The following CTNNA3 variants were observed in gnomAD, a reference collection of about 807,000 sequenced individuals.
CTNNA3 encodes catenin alpha-3.
CTNNA3 carries 76 observed loss-of-function variants against 95.7 expected under a neutral mutation model. The observed-to-expected ratio is 0.79, with a 90% CI of 0.66 to 0.96. The LOEUF (loss-of-function observed/expected upper bound fraction) is 0.96. Ranked by LOEUF, CTNNA3 falls within the 40% of genes least tolerant of loss-of-function variation. The probability of loss-of-function intolerance (pLI) is 0.00; values close to 1 mark genes in which losing one functional copy is unlikely to be tolerated. For missense variants in CTNNA3, 1,191 were observed against 1,089.8 expected (o/e 1.09, Z -1.31); for synonymous variants, 431 against 374.4 (o/e 1.15, Z -1.74).
At chr10:67,527,834 G>T (rs1358267383) in intron 4 of CTNNA3, among the ~76,000 whole-genome samples, 1 of 152,154 alleles carries the variant, frequency 6.6e-6, no homozygotes, top group Non-Finnish European at 1.5e-5. Flanking sequence ...TTTGCTTGTT[G>T]ATTTTCTGGA....
chr10:66,855,013 A>C (rs919036001), intron 7 of CTNNA3, among the ~76,000 whole-genome samples: 1 of 151,914 alleles, frequency 6.6e-6, no homozygotes, highest in Non-Finnish European at 1.5e-5. Context: ...ATTTTATAAC[A>C]CAATGTCTGG....
chr10:67,231,434 G>A (rs549654337), intron 5 of CTNNA3, among the ~76,000 whole-genome samples: 57 of 152,268 alleles, frequency 3.7e-4, no homozygotes, highest in East Asian at 2.1e-3. Context: ...TCACAGGGCC[G>A]GGTACTCCAA....
At chr10:66,356,680 T>A (rs10997076) in intron 12 of CTNNA3, among the ~76,000 whole-genome samples, 80,149 of 151,826 alleles carry the variant, frequency 0.53, 22,842 homozygotes, top group Non-Finnish European at 0.64. Flanking sequence ...AGCCTTGTCA[T>A]GTTCCTGTTG....
intron 15 of CTNNA3, among the ~76,000 whole-genome samples, chr10:66,029,901 C>A (rs1199752167): frequency 6.6e-6 from 1 of 152,142 alleles, no homozygotes; most frequent in Admixed American, 6.6e-5. Flanking sequence ...TTGCACACCA[C>A]TCATTGTAAT....
chr10:67,562,053 C>T (rs193054474), intron 3 of CTNNA3, among the ~76,000 whole-genome samples: 1 of 152,114 alleles, frequency 6.6e-6, no homozygotes, highest in Non-Finnish European at 1.5e-5. Context: ...CAAATTCTAC[C>T]AGAGGTACAA....
rs1564896364 is a variant in CTNNA3, at chr10:66,360,667, C to CTT, written c.1732+18483_1732+18484dup. ...TCTTTCTTTCTTTCTTTCTTCCTTC[C>CTT]TTCCTTCCTTCCTTCCTTCCTTCCT... On this transcript the variant is annotated intron_variant, in intron 12 of 17. Transcript: ENST00000433211. 8.0e-3 allele frequency among the ~76,000 whole-genome samples: 409 copies of CTT among 51,100 alleles called. 5 individuals are homozygous for CTT. Among genetic ancestry groups the CTT allele is most frequent in the African/African-American group, 0.024 (383 of 15,856 alleles). 33.5% of individuals were successfully genotyped at this position (51,100 alleles called of 152,430 possible). A position where few individuals can be genotyped will look rare whatever the true frequency, so the allele number is the denominator to read the frequency against.
At chr10:66,060,821 T>TGAAC in intron 15 of CTNNA3, among the ~76,000 whole-genome samples, 1 of 152,114 alleles carries the variant, frequency 6.6e-6, no homozygotes, top group Non-Finnish European at 1.5e-5. Flanking sequence ...GTACATTTTA[T>TGAAC]GAACAACAGG....
intron 7 of CTNNA3, among the ~76,000 whole-genome samples, chr10:67,121,218 C>T (rs1049359166): frequency 6.6e-6 from 1 of 151,952 alleles, no homozygotes; most frequent in Non-Finnish European, 1.5e-5. Context: ...TATTTTTGAC[C>T]AATCGATGGA....
At chr10:67,553,699 A>C (rs992307314) in intron 3 of CTNNA3, among the ~76,000 whole-genome samples, 1 of 152,208 alleles carries the variant, frequency 6.6e-6, no homozygotes, top group Non-Finnish European at 1.5e-5. Flanking sequence ...CTCACATTCA[A>C]GAATACAATA....
intron 1 of CTNNA3, among the ~76,000 whole-genome samples, chr10:67,713,332 G>A (rs1323792366): frequency 4.6e-5 from 7 of 152,180 alleles, no homozygotes; most frequent in Non-Finnish European, 8.8e-5. Context: ...TAACACTGTT[G>A]GTGGGAATGT....
chr10:67,113,630 C>T (rs752138226), intron 7 of CTNNA3, among the ~76,000 whole-genome samples: 1 of 152,090 alleles, frequency 6.6e-6, no homozygotes, highest in Non-Finnish European at 1.5e-5. Context: ...TATTCTGCCA[C>T]CCAGGCTGCA....
At chr10:66,925,999 C>T (rs1230340367) in intron 7 of CTNNA3, 2 of 456,734 alleles carry the variant, frequency 4.4e-6, no homozygotes, top group Admixed American at 4.7e-5. Context: ...CCACTGGGGG[C>T]AGCTTTACAT....
At chr10:67,349,772 G>A (rs147968998) in intron 5 of CTNNA3, among the ~76,000 whole-genome samples, 470 of 152,184 alleles carry the variant, frequency 3.1e-3, no homozygotes, top group Non-Finnish European at 4.8e-3. Context: ...GGCTATTCCA[G>A]GTTATCTTCC....
At chr10:67,628,175 C>A (rs1007880226) in intron 2 of CTNNA3, among the ~76,000 whole-genome samples, 8 of 150,794 alleles carry the variant, frequency 5.3e-5, no homozygotes, top group Admixed American at 3.3e-4. Context: ...ATTTTATTTT[C>A]TCCTTTGAAC....
intron 14 of CTNNA3, among the ~76,000 whole-genome samples, chr10:66,070,580 A>G (rs2080414238): frequency 6.6e-6 from 1 of 152,126 alleles, no homozygotes; most frequent in African/African-American, 2.4e-5. Flanking sequence ...ATACACTGGT[A>G]TATTATGGAA....
intron 13 of CTNNA3, among the ~76,000 whole-genome samples, chr10:66,138,360 T>C (rs1564689495): frequency 6.6e-6 from 1 of 152,216 alleles, no homozygotes; most frequent in Admixed American, 6.5e-5. Flanking sequence ...AAACTTTGAA[T>C]ACTGACTATC....
intron 13 of CTNNA3, among the ~76,000 whole-genome samples, chr10:66,132,478 T>C (rs535315490): frequency 1.3e-5 from 2 of 152,232 alleles, no homozygotes; most frequent in South Asian, 4.1e-4. Flanking sequence ...AGTTCAACCA[T>C]TGTGGAAGAT....
intron 4 of CTNNA3, among the ~76,000 whole-genome samples, chr10:67,528,953 C>T (rs1840232672): frequency 6.6e-6 from 1 of 152,078 alleles, no homozygotes; most frequent in Non-Finnish European, 1.5e-5. Context: ...ATCTATTGTA[C>T]ATCATGGTGA....
At chr10:67,173,758 AC>A (rs1212521706) in intron 7 of CTNNA3, among the ~76,000 whole-genome samples, 1 of 152,202 alleles carries the variant, frequency 6.6e-6, no homozygotes, top group Non-Finnish European at 1.5e-5. Flanking sequence ...GTAACAAACA[AC>A]TCTGAGTAAA....
Sources: gnomAD v4.1 joint callset for allele counts (sites outside exome capture counted in the v4.1 genomes callset) on GRCh38, gnomAD v4.1.1 for gene constraint, MANE v1.5 for transcripts, NCBI Gene and HGNC (gene_info 2026-07-23, HGNC 2026-07-21) for gene names.